Variants in FGF5 observed in about 807,000 individuals in gnomAD.
The protein encoded by FGF5 is heparin-binding growth factor 5.
Under a neutral mutation model 21.8 loss-of-function variants are expected in FGF5, and 23 were observed. The observed-to-expected ratio is 1.05, with a 90% CI of 0.76 to 1.49. The LOEUF (loss-of-function observed/expected upper bound fraction) is 1.49, where lower values mean the gene tolerates loss of function less well. Among genes scored for constraint, FGF5 ranks in the 40% most tolerant of loss-of-function variants. The pLI is 0.00. For missense variants in FGF5, 352 were observed against 332.9 expected, an observed-to-expected ratio of 1.06 and a Z score of -0.45; for synonymous variants, 158 against 124.0, an observed-to-expected ratio of 1.27 and a Z score of -1.82.
chr4:80,285,595 G>A (rs539375016), intron 2 of FGF5, among the ~76,000 whole-genome samples: 16 of 152,218 alleles, frequency 1.1e-4, no homozygotes, highest in South Asian at 1.0e-3. Context: ...GCACCATGAC[G>A]GATGTCTACT....
At chr4:80,273,314 A>C (rs528923982) in intron 1 of FGF5, among the ~76,000 whole-genome samples, 1 of 152,198 alleles carries the variant, frequency 6.6e-6, no homozygotes, top group South Asian at 2.1e-4. Flanking sequence ...TGGGCTAAAA[A>C]CATCTATTTT....
intron 1 of FGF5, among the ~76,000 whole-genome samples, chr4:80,271,663 GCAAA>G (rs1720276089): frequency 6.6e-6 from 1 of 152,148 alleles, no homozygotes; most frequent in African/African-American, 2.4e-5. Context: ...GTCAAATTTA[GCAAA>G]CAGTCATTGA....
In FGF5 at chr4:80,287,862, T is replaced by C. The variant is rs965205766; in HGVS notation, c.*1190T>C. On this transcript the variant is annotated 3_prime_UTR_variant, in exon 3 of 3. Coordinates refer to ENST00000312465, the MANE Select transcript of FGF5 (RefSeq NM_004464.4). ...AATCCAGTGAATAGATGTGCCCTTT[T>C]ATAAGGAAACTTCTGATGTTTATTA... 3 of 152,130 alleles carry C rather than the reference T, an allele frequency of 2.0e-5. No homozygotes were observed. Among genetic ancestry groups the C allele is most frequent in the Non-Finnish European group, 2.9e-5 (2 of 68,006 alleles). 9.4% of individuals were successfully genotyped at this position (152,130 alleles called of 1,614,324 possible). A position where few individuals can be genotyped will look rare whatever the true frequency, so the allele number is the denominator to read the frequency against.
rs1483927990 is a variant in FGF5, at chr4:80,289,950, G to A, written c.*3278G>A. Reference sequence around the variant, plus strand: ...AAATAAAACATCATAAATCTGGTAGGTAAATTTCTTATTAAATCAATCTTG... The same window carrying A: ...AAATAAAACATCATAAATCTGGTAGATAAATTTCTTATTAAATCAATCTTG... On this transcript the variant is annotated 3_prime_UTR_variant, in exon 3 of 3. Transcript: ENST00000312465. The A allele has an allele frequency of 6.6e-6, 1 of 151,884 alleles. No homozygotes were observed. The highest frequency in any genetic ancestry group is 1.5e-5 in the Non-Finnish European group (1 of 67,984). The allele number at this position is 151,884 out of a possible 1,614,324, so 9.4% of individuals were successfully genotyped here.
chr4:80,269,609 A>G (rs996809094), intron 1 of FGF5, among the ~76,000 whole-genome samples: 8 of 152,226 alleles, frequency 5.3e-5, no homozygotes, highest in African/African-American at 1.9e-4. Context: ...GCCGACAAAA[A>G]GCTTAATTTA....
In FGF5 at chr4:80,286,839, G is replaced by A; in HGVS notation, c.*167G>A. The A allele has an allele frequency of 3.4e-6, 2 of 596,400 alleles. No homozygotes were observed. The highest frequency in any genetic ancestry group is 5.9e-6 in the Non-Finnish European group (2 of 340,880). The allele number at this position is 596,400 out of a possible 1,614,324, so 36.9% of individuals were successfully genotyped here. On this transcript the variant is annotated 3_prime_UTR_variant, in exon 3 of 3. Transcript: ENST00000312465. ...ACTGAAACAAAATGTTTTTTGATAG[G>A]AAGGAAACTGGAATTCTTTGTACTA...
intron 1 of FGF5, 131 bp from the exon 2 acceptor site, chr4:80,274,778 G>T: frequency 1.8e-6 from 1 of 558,702 alleles, no homozygotes. Context: ...TGAACAATAA[G>T]GATGTTAAAT....
intron 2 of FGF5, among the ~76,000 whole-genome samples, chr4:80,281,637 G>C (rs577879131): frequency 6.6e-6 from 1 of 152,078 alleles, no homozygotes; most frequent in East Asian, 1.9e-4. Flanking sequence ...GTAGTTGCAC[G>C]CAAGAGTCGG....
At position 80,286,965 on chromosome 4, in the gene FGF5, G is replaced by A. The variant is rs1180708191; in HGVS notation, c.*293G>A. 3 of 260,584 alleles carry A rather than the reference G, an allele frequency of 1.2e-5. No homozygotes were observed. The highest frequency in any genetic ancestry group is 6.6e-5 in the African/African-American group (3 of 45,686). 16.1% of individuals were successfully genotyped at this position (260,584 alleles called of 1,614,324 possible). A position where few individuals can be genotyped will look rare whatever the true frequency, so the allele number is the denominator to read the frequency against. On this transcript the variant is annotated 3_prime_UTR_variant, in exon 3 of 3. Coordinates refer to ENST00000312465, the MANE Select transcript of FGF5 (RefSeq NM_004464.4). ...TGTATTTTCGGAAAGTTAAATAACA[G>A]GGACTACGTATTTTTCTGACTTTTA...
chr4:80,276,427 A>T (rs34426857), intron 2 of FGF5, among the ~76,000 whole-genome samples: 1 of 151,984 alleles, frequency 6.6e-6, no homozygotes, highest in Admixed American at 6.6e-5. Context: ...TATTTTTCTA[A>T]TTTTTTCATT....
intron 1 of FGF5, among the ~76,000 whole-genome samples, chr4:80,273,164 C>T (rs1720317526): frequency 6.6e-6 from 1 of 151,438 alleles, no homozygotes; most frequent in South Asian, 2.1e-4. Context: ...ATTTATACAG[C>T]ACTGGTGGTT....
Position 80,290,074 on chromosome 4 carries a change from C to T in FGF5, c.*3402C>T, listed in dbSNP as rs567830864. 5.9e-5 allele frequency: 9 copies of T among 152,000 alleles called. No homozygotes were observed. The South Asian group carries it at 8.3e-4, about 14-fold the overall frequency. 9.4% of individuals were successfully genotyped at this position (152,000 alleles called of 1,614,324 possible). On this transcript the variant is annotated 3_prime_UTR_variant, in exon 3 of 3. Coordinates refer to ENST00000312465, the MANE Select transcript of FGF5 (RefSeq NM_004464.4). ...ACTTATCCCATTTTCAATAACAAAA[C>T]GAAACTATGGCACTAACCAAAAACT...
At position 80,286,373 on chromosome 4, in the gene FGF5, A is replaced by G; in HGVS notation, c.508A>G (p.Ser170Gly). Residue 170 changes from serine (S) to glycine (G), a missense_variant, in exon 3 of 3, where the codon AGC (serine) becomes GGC (glycine). Ser to Gly is a moderately conservative substitution (Grantham distance 56, BLOSUM62 0). Transcript: ENST00000312465. ...CKFRERFQENSYNTYASAIHR... is the reference protein window; with the variant it reads ...CKFRERFQENGYNTYASAIHR... ...GTTCAGGGAGCGTTTTCAAGAAAAT[A>G]GCTATAATACCTATGCCTCAGCAAT... 6.2e-7 allele frequency: 1 copy of G among 1,602,444 alleles called. No individual in the cohort carries two copies. The highest frequency in any genetic ancestry group is 8.5e-7 in the Non-Finnish European group (1 of 1,172,812).
At chr4:80,270,651 T>A (rs1160374615) in intron 1 of FGF5, among the ~76,000 whole-genome samples, 3 of 152,216 alleles carry the variant, frequency 2.0e-5, no homozygotes, top group Non-Finnish European at 2.9e-5. Context: ...TTTGGTTTAA[T>A]TTATACGCCT....
At chr4:80,282,126 C>A (rs534918782) in intron 2 of FGF5, among the ~76,000 whole-genome samples, 21 of 152,192 alleles carry the variant, frequency 1.4e-4, no homozygotes, top group Admixed American at 1.2e-3. Context: ...CCACACCTGG[C>A]TGATTTTGTA....
Position 80,288,123 on chromosome 4 carries a change from T to G in FGF5, c.*1451T>G, listed in dbSNP as rs1720790251. On this transcript the variant is annotated 3_prime_UTR_variant, in exon 3 of 3. Transcript: ENST00000312465. The stretch of plus-strand genomic sequence containing the variant: ...ATAGCTAAAGGCTAAACATATGGCT[T>G]TAGTAGTAACAAAAGGGTTCATAGA... 1 of 152,192 alleles carries G rather than the reference T, an allele frequency of 6.6e-6. No homozygotes were observed. The allele number at this position is 152,192 out of a possible 1,614,324, so 9.4% of individuals were successfully genotyped here.
intron 1 of FGF5, 39 bp from the exon 2 acceptor site, chr4:80,274,870 A>G (rs1578293278): frequency 1.2e-6 from 1 of 843,742 alleles, no homozygotes; most frequent in Non-Finnish European, 2.0e-6. Flanking sequence ...TGATATAAAT[A>G]AGAGCCTGTG....
chr4:80,280,708 C>G (rs1403501948), intron 2 of FGF5, among the ~76,000 whole-genome samples: 1 of 152,148 alleles, frequency 6.6e-6, no homozygotes, highest in Non-Finnish European at 1.5e-5. Context: ...AACCACCTGA[C>G]ACAGAGTAGT....
At chr4:80,273,779 A>G (rs907096593) in intron 1 of FGF5, among the ~76,000 whole-genome samples, 2 of 152,024 alleles carry the variant, frequency 1.3e-5, no homozygotes, top group Non-Finnish European at 2.9e-5. Context: ...TCCTGGTATC[A>G]GGCGATCCTT....
Sources: gnomAD v4.1 joint callset for allele counts (sites outside exome capture counted in the v4.1 genomes callset) on GRCh38, gnomAD v4.1.1 for gene constraint, MANE v1.5 for transcripts, NCBI Gene and HGNC (gene_info 2026-07-23, HGNC 2026-07-21) for gene names.